TSPAN11: variants seen among roughly 807,000 people sequenced by gnomAD.
The protein encoded by TSPAN11 is tetraspanin-11.
Under a neutral mutation model 32.9 loss-of-function variants are expected in TSPAN11, and 29 were observed. That is an observed-to-expected ratio of 0.88 (90% CI 0.66 to 1.20). TSPAN11 has a LOEUF of 1.20. TSPAN11 is among the 50% of genes most tolerant of loss of function. The pLI is 0.00. For missense variants in TSPAN11, 283 were observed against 329.1 expected, an observed-to-expected ratio of 0.86 and a Z score of 1.08; for synonymous variants, 140 against 141.3, an observed-to-expected ratio of 0.99 and a Z score of 0.07.
intron 1 of TSPAN11, among the ~76,000 whole-genome samples, chr12:30,951,252 A>T (rs1339884060): frequency 2.6e-5 from 4 of 152,250 alleles, no homozygotes; most frequent in Admixed American, 6.5e-5. Flanking sequence ...TTTCCTGGCC[A>T]GCAGTGAATC....
At chr12:31,015,393 G>C in the TSPAN11 span, 7 of 152,204 alleles carry the variant, frequency 4.6e-5, no homozygotes, top group African/African-American at 1.7e-4. This position sits in a 1 kb window ranked among gnomAD's most constrained non-coding sequence, Gnocchi z 4.9. Context: ...TGGGCCCCTG[G>C]GGAACCAGCG....
intron 1 of TSPAN11, among the ~76,000 whole-genome samples, chr12:30,934,196 A>G (rs1481232391): frequency 6.6e-6 from 1 of 152,250 alleles, no homozygotes; most frequent in Non-Finnish European, 1.5e-5. Context: ...GTGACCGGGA[A>G]GACCCACTTC....
the TSPAN11 span, among the ~76,000 whole-genome samples, chr12:31,014,200 G>A: frequency 4.6e-5 from 7 of 152,122 alleles, no homozygotes; most frequent in Admixed American, 2.0e-4. Context: ...AAAATCAATC[G>A]TAACATTATC....
rs1014336628 is a variant in TSPAN11, at chr12:30,996,023, G to C, written c.*4108G>C. 6.6e-6 allele frequency: 1 copy of C among 152,242 alleles called. No individual in the cohort carries two copies. The highest frequency in any genetic ancestry group is 1.5e-5 in the Non-Finnish European group (1 of 68,076). The allele number at this position is 152,242 out of a possible 1,614,324, so 9.4% of individuals were successfully genotyped here. The stretch of plus-strand genomic sequence containing the variant: ...CAGCTGAGCTCCACCTGCAGCAGCC[G>C]AGATTCCCGACTCGCTCCACCATTG... On this transcript the variant is annotated 3_prime_UTR_variant, in exon 8 of 8. Transcript: ENST00000546076.
At chr12:30,927,119 G>A in intron 1 of TSPAN11, 1 of 1,010,076 alleles carries the variant, frequency 9.9e-7, no homozygotes, top group Non-Finnish European at 1.3e-6. Flanking sequence ...GCCTCGTGCC[G>A]TCCAGCGTGC....
chr12:30,931,248 C>G (rs1348615781), intron 1 of TSPAN11, among the ~76,000 whole-genome samples: 1 of 151,872 alleles, frequency 6.6e-6, no homozygotes, highest in Non-Finnish European at 1.5e-5. Flanking sequence ...AATCAAAGAC[C>G]CTATAACTGA....
At chr12:30,974,870 G>A (rs1222396909) in intron 3 of TSPAN11, among the ~76,000 whole-genome samples, 1 of 152,240 alleles carries the variant, frequency 6.6e-6, no homozygotes, top group Non-Finnish European at 1.5e-5. Context: ...GGAGAGAAGG[G>A]CAAAGCAGAG....
In TSPAN11 at chr12:30,934,001, C is replaced by A. The variant is rs547883230; in HGVS notation, c.-12+7205C>A. On this transcript the variant is annotated intron_variant, in intron 1 of 7. Coordinates refer to ENST00000546076, the MANE Select transcript of TSPAN11 (RefSeq NM_001370302.1). The stretch of plus-strand genomic sequence containing the variant: ...ATGCCTATGGGCCTCTAGCTCCAGT[C>A]TCAGTCCTAAATCCAAACCTGGGAG... Among the ~76,000 whole-genome samples, 86 of 152,330 alleles carry A rather than the reference C, an allele frequency of 5.6e-4. 1 individual carries two copies. In the South Asian group the frequency reaches 8.9e-3, roughly 16 times the overall value.
In TSPAN11 at chr12:30,993,234, A is replaced by C. The variant is rs1054487221; in HGVS notation, c.*1319A>C. Reference sequence around the variant, plus strand: ...GAGCGGGACCCTCTTACTTCCCCCCATGAAGGGGGGCACCTTGTGCTAAGG... The same window carrying C: ...GAGCGGGACCCTCTTACTTCCCCCCCTGAAGGGGGGCACCTTGTGCTAAGG... On this transcript the variant is annotated 3_prime_UTR_variant, in exon 8 of 8. Coordinates refer to ENST00000546076, the MANE Select transcript of TSPAN11 (RefSeq NM_001370302.1). 6.6e-6 allele frequency: 1 copy of C among 152,036 alleles called. No individual in the cohort carries two copies. Among genetic ancestry groups the C allele is most frequent in the African/African-American group, 2.4e-5 (1 of 41,364 alleles). 9.4% of individuals were successfully genotyped at this position (152,036 alleles called of 1,614,324 possible). A position where few individuals can be genotyped will look rare whatever the true frequency, so the allele number is the denominator to read the frequency against.
chr12:30,978,245 C>A (rs1015788538), intron 3 of TSPAN11: 4 of 345,752 alleles, frequency 1.2e-5, no homozygotes, highest in African/African-American at 8.1e-5. Flanking sequence ...TGCAGTCACT[C>A]ATCTGTCTTC....
intron 5 of TSPAN11, 45 bp downstream of exon 5, chr12:30,979,715 T>C: frequency 6.3e-7 from 1 of 1,595,850 alleles, no homozygotes. Context: ...CCCACAAGGA[T>C]TCAAATCCCG....
chr12:30,978,799 C>A, intron 4 of TSPAN11, 164 bp downstream of exon 4: 1 of 646,422 alleles, frequency 1.5e-6, no homozygotes, highest in East Asian at 2.6e-5. Context: ...AGCTGCTGGT[C>A]CTGGCTCCAG....
At chr12:30,988,015 C>T (rs1217250008) in intron 7 of TSPAN11, among the ~76,000 whole-genome samples, 1 of 152,248 alleles carries the variant, frequency 6.6e-6, no homozygotes, top group African/African-American at 2.4e-5. Context: ...GGCTGGGGGC[C>T]GGCAGGGATG....
intron 3 of TSPAN11, among the ~76,000 whole-genome samples, chr12:30,971,280 C>G (rs570429470): frequency 1.2e-4 from 18 of 152,346 alleles, no homozygotes; most frequent in African/African-American, 4.1e-4. Context: ...GTGGCAGAAT[C>G]AATCCAATGG....
In TSPAN11 at chr12:30,926,834, C is replaced by G. The variant is rs1019375329; in HGVS notation, c.-12+38C>G. 13 of 839,922 alleles carry G rather than the reference C, an allele frequency of 1.5e-5. No homozygotes were observed. In the African/African-American group the frequency reaches 2.4e-4, roughly 16 times the overall value. 52.0% of individuals were successfully genotyped at this position (839,922 alleles called of 1,614,324 possible). ...GCGCGCCCGAGGAGTGGGGGCGCCG[C>G]GGGAGGGGGCTGGGGGTCCAGGAGA... On this transcript the variant is annotated intron_variant, in intron 1 of 7. Coordinates refer to ENST00000546076, the MANE Select transcript of TSPAN11 (RefSeq NM_001370302.1).
chr12:30,962,601 G>T (rs1017785573), intron 2 of TSPAN11, among the ~76,000 whole-genome samples: 3 of 152,182 alleles, frequency 2.0e-5, no homozygotes, highest in Non-Finnish European at 4.4e-5. Flanking sequence ...GAAATGACAG[G>T]GTAGGTTATA....
chr12:30,934,162 T>C (rs1350168377), intron 1 of TSPAN11, among the ~76,000 whole-genome samples: 2 of 152,212 alleles, frequency 1.3e-5, no homozygotes, highest in Non-Finnish European at 2.9e-5. Context: ...AGCTGTTGGG[T>C]GGGCCAGGCC....
chr12:30,977,436 C>G (rs1314085928), intron 3 of TSPAN11, among the ~76,000 whole-genome samples: 3 of 152,206 alleles, frequency 2.0e-5, no homozygotes, highest in African/African-American at 7.2e-5. Context: ...CCTGCTGTGG[C>G]CAGGTGGGCG....
rs200929072 is a variant in TSPAN11, at chr12:30,982,646, C to T, written c.571C>T (p.Arg191Cys). Reference protein sequence around the residue: ...PDSCCKTVVVRCGQRAHPSNI... With the variant: ...PDSCCKTVVVCCGQRAHPSNI... The stretch of plus-strand genomic sequence containing the variant: ...CAGCTGCTGCAAGACAGTGGTGGTG[C>T]GCTGCGGCCAGCGGGCCCACCCCTC... The change falls in exon 6 of 8, where the codon CGC becomes TGC. Residue 191 changes from arginine (R) to cysteine (C), a missense_variant. Physicochemically the swap from Arg to Cys is radical, Grantham distance 180 (BLOSUM62 -3). Transcript: ENST00000546076. 2.1e-5 allele frequency: 34 copies of T among 1,607,510 alleles called. No homozygotes were observed. The Middle Eastern group carries it at 5.2e-4, about 24-fold the overall frequency.
Sources: allele counts gnomAD v4.1 joint callset (sites outside exome capture counted in the v4.1 genomes callset), GRCh38; gene constraint gnomAD v4.1.1; non-coding constraint Gnocchi (gnomAD v3.1); transcripts MANE v1.5; gene names NCBI Gene and HGNC (gene_info 2026-07-23, HGNC 2026-07-21).